KCNMA1: variants seen among roughly 807,000 people sequenced by gnomAD.
KCNMA1 encodes potassium calcium-activated channel subfamily M alpha 1.
In KCNMA1, 29 loss-of-function variants were observed where a neutral mutation model predicts 140.0. The observed-to-expected ratio is 0.21, with a 90% CI of 0.15 to 0.28. The LOEUF is 0.28. KCNMA1 is among the 10% of genes least tolerant of loss of function. The pLI, the probability that KCNMA1 is intolerant of heterozygous loss-of-function variation, is 1.00. For synonymous variants in KCNMA1, 612 were observed against 611.9 expected (o/e 1.00, Z 0.00); for missense variants, 880 against 1,602.2 (o/e 0.55, Z 7.70).
intron 1 of KCNMA1, among the ~76,000 whole-genome samples, chr10:77,566,576 G>A (rs548249284): frequency 2.5e-4 from 38 of 152,264 alleles, no homozygotes; most frequent in African/African-American, 7.2e-4. Context: ...CATTTCCCCC[G>A]CAAAGGTGGG....
chr10:77,105,244 T>C (rs2097177242), intron 9 of KCNMA1, among the ~76,000 whole-genome samples: 1 of 152,116 alleles, frequency 6.6e-6, no homozygotes, highest in Admixed American at 6.5e-5. Flanking sequence ...GCCCTTGAAA[T>C]AGTGTTGATG....
At chr10:77,351,796 A>G (rs996145849) in intron 2 of KCNMA1, among the ~76,000 whole-genome samples, 5 of 152,200 alleles carry the variant, frequency 3.3e-5, no homozygotes, top group African/African-American at 1.2e-4. Context: ...TGAGTAACCC[A>G]TTGATATTTA....
At chr10:77,237,654 C>T (rs1406968765) in intron 3 of KCNMA1, among the ~76,000 whole-genome samples, 2 of 152,048 alleles carry the variant, frequency 1.3e-5, no homozygotes, top group Non-Finnish European at 2.9e-5. Context: ...GGCCTCACTA[C>T]ATTGCCCAGG....
chr10:77,436,967 C>A (rs2097275990), intron 1 of KCNMA1, among the ~76,000 whole-genome samples: 1 of 146,728 alleles, frequency 6.8e-6, no homozygotes, highest in South Asian at 2.1e-4. Context: ...TACACACACA[C>A]ACACACACAC....
chr10:76,986,131 T>G (rs1037307559), intron 19 of KCNMA1, among the ~76,000 whole-genome samples: 3 of 152,126 alleles, frequency 2.0e-5, no homozygotes, highest in Non-Finnish European at 4.4e-5. Context: ...CTTGGATTGC[T>G]ATGAAAAGGA....
chr10:77,184,973 C>A, intron 3 of KCNMA1, 57 bp from the exon 4 acceptor site: 1 of 994,628 alleles, frequency 1.0e-6, no homozygotes, highest in South Asian at 1.3e-5. Flanking sequence ...ATCATCCTGT[C>A]TCCCACGATG....
At chr10:76,893,351 AT>A (rs1473556882) in intron 25 of KCNMA1, among the ~76,000 whole-genome samples, 3 of 152,104 alleles carry the variant, frequency 2.0e-5, no homozygotes, top group Non-Finnish European at 4.4e-5. Flanking sequence ...TTTCCTTTGA[AT>A]TTTTAATCTT....
chr10:76,975,159 A>G (rs1337221200), intron 19 of KCNMA1: 2 of 152,640 alleles, frequency 1.3e-5, no homozygotes, highest in African/African-American at 2.4e-5. Flanking sequence ...TTTTACTAAA[A>G]TGAAGGGTAT....
intron 19 of KCNMA1, chr10:76,995,633 C>T (rs1216272252): frequency 4.2e-6 from 2 of 470,838 alleles, no homozygotes; most frequent in Non-Finnish European, 8.8e-6. Flanking sequence ...CATCTGCCCT[C>T]CACCATGGAG....
At chr10:77,333,400 GAAAAGA>G (rs763079729) in intron 2 of KCNMA1, among the ~76,000 whole-genome samples, 8 of 7,202 alleles carry the variant, frequency 1.1e-3, no homozygotes, top group South Asian at 3.2e-3. Flanking sequence ...AAGAAAGAAA[GAAAAGA>G]AAAGAAAAGA....
chr10:77,447,606 G>C (rs1301441291), intron 1 of KCNMA1, among the ~76,000 whole-genome samples: 1 of 152,210 alleles, frequency 6.6e-6, no homozygotes, highest in African/African-American at 2.4e-5. Flanking sequence ...GCCATCACAA[G>C]AGCATGGCTT....
At chr10:77,487,826 C>T (rs2098478819) in intron 1 of KCNMA1, among the ~76,000 whole-genome samples, 1 of 152,160 alleles carries the variant, frequency 6.6e-6, no homozygotes, top group South Asian at 2.1e-4. Flanking sequence ...CCTGCAACAT[C>T]ACCTGGGGAT....
At chr10:76,994,601 G>C (rs1034056660) in intron 19 of KCNMA1, among the ~76,000 whole-genome samples, 3 of 152,158 alleles carry the variant, frequency 2.0e-5, no homozygotes, top group Admixed American at 6.5e-5. Context: ...AGCCTCAAAA[G>C]AGAAACATAA....
chr10:77,561,257 A>G (rs1471819989), intron 1 of KCNMA1, among the ~76,000 whole-genome samples: 1 of 152,128 alleles, frequency 6.6e-6, no homozygotes, highest in Non-Finnish European at 1.5e-5. Flanking sequence ...CTCACTTGAT[A>G]TAAAATAAAG....
chr10:77,425,635 C>A (rs976079091), intron 1 of KCNMA1, among the ~76,000 whole-genome samples: 2 of 152,174 alleles, frequency 1.3e-5, no homozygotes, highest in South Asian at 2.1e-4. Context: ...GCCTTCCCAG[C>A]CTTGTCCAGG....
chr10:77,526,929 A>G (rs986657383), intron 1 of KCNMA1, among the ~76,000 whole-genome samples: 1 of 152,164 alleles, frequency 6.6e-6, no homozygotes, highest in Non-Finnish European at 1.5e-5. Flanking sequence ...TAAGTCAATG[A>G]GCATGCTCGC....
At chr10:77,159,630 T>C (rs1384540056) in intron 5 of KCNMA1, among the ~76,000 whole-genome samples, 1 of 152,160 alleles carries the variant, frequency 6.6e-6, no homozygotes, top group African/African-American at 2.4e-5. Context: ...CCTTTGTTCA[T>C]TTGCAAACAC....
rs191575679 is a variant in KCNMA1, at chr10:77,527,875, C to T, written c.378+109390G>A. ...GGGCTCCATGCTGTGCGCACAGCCT[C>T]CAACCACCATCAGGAGGCTACAGGC... is the stretch of plus-strand genomic sequence containing the variant. On this transcript the variant is annotated intron_variant, in intron 1 of 27. Transcript: ENST00000286628. Among the ~76,000 whole-genome samples the T allele has an allele frequency of 3.4e-3, 524 of 152,138 alleles. 4 individuals are homozygous for T. Among genetic ancestry groups the T allele is most frequent in the African/African-American group, 0.011 (475 of 41,502 alleles).
chr10:77,242,536 G>A (rs1271596948), intron 3 of KCNMA1, among the ~76,000 whole-genome samples: 1 of 152,148 alleles, frequency 6.6e-6, no homozygotes, highest in East Asian at 1.9e-4. Context: ...CTTACTGTGT[G>A]CAATGCTCAT....
Sources: gnomAD v4.1 joint callset for allele counts (sites outside exome capture counted in the v4.1 genomes callset) on GRCh38, gnomAD v4.1.1 for gene constraint, MANE v1.5 for transcripts, NCBI Gene and HGNC (gene_info 2026-07-23, HGNC 2026-07-21) for gene names.